The following UGT1A10 variants were observed in gnomAD, a reference collection of about 807,000 sequenced individuals.
UGT1A10 encodes UDP glucuronosyltransferase family 1 member A10.
A neutral mutation model predicts 45.8 loss-of-function variants in UGT1A10; 49 were observed. The observed-to-expected ratio is 1.07, with a 90% CI of 0.85 to 1.36. The LOEUF (loss-of-function observed/expected upper bound fraction) is 1.36, where lower values mean the gene tolerates loss of function less well. UGT1A10 is among the 40% of genes most tolerant of loss of function. The pLI, the probability that UGT1A10 is intolerant of heterozygous loss-of-function variation, is 0.00. For missense variants in UGT1A10, 745 were observed against 668.6 expected, an observed-to-expected ratio of 1.11 and a Z score of -1.26; for synonymous variants, 284 against 249.7, an observed-to-expected ratio of 1.14 and a Z score of -1.29.
intron 1 of UGT1A10, among the ~76,000 whole-genome samples, chr2:233,698,543 T>A (rs182452303): frequency 6.6e-6 from 1 of 152,142 alleles, no homozygotes; most frequent in South Asian, 2.1e-4. Context: ...AGAACACGAG[T>A]GGCCAACAAA....
At chr2:233,663,606 A>G (rs532721890) in intron 1 of UGT1A10, among the ~76,000 whole-genome samples, 53 of 152,280 alleles carry the variant, frequency 3.5e-4, no homozygotes, top group African/African-American at 1.2e-3. Flanking sequence ...CATAATTTCT[A>G]ATCTTGTGGC....
chr2:233,729,186 C>G, intron 1 of UGT1A10: 1 of 1,613,952 alleles, frequency 6.2e-7, no homozygotes, highest in Non-Finnish European at 8.5e-7. Flanking sequence ...TGCTTCTCCT[C>G]AGTGTCCAGC....
At chr2:233,713,634 C>A in intron 1 of UGT1A10, 2 of 1,613,964 alleles carry the variant, frequency 1.2e-6, no homozygotes, top group South Asian at 2.2e-5. Flanking sequence ...CAAGAACATG[C>A]TCTACCCTCT....
chr2:233,713,730 G>C, intron 1 of UGT1A10: 1 of 1,613,910 alleles, frequency 6.2e-7, no homozygotes, highest in South Asian at 1.1e-5. Flanking sequence ...GTCAGTGGTG[G>C]ATCTTGTCAG....
At chr2:233,696,620 T>C (rs1575459167) in intron 1 of UGT1A10, among the ~76,000 whole-genome samples, 1 of 146,384 alleles carries the variant, frequency 6.8e-6, no homozygotes, top group Non-Finnish European at 1.5e-5. Flanking sequence ...CTTTCTTTCT[T>C]TCTCTTGCTT....
At chr2:233,756,974 T>C (rs1036999646) in intron 1 of UGT1A10, among the ~76,000 whole-genome samples, 2 of 151,942 alleles carry the variant, frequency 1.3e-5, no homozygotes, top group South Asian at 2.1e-4. Context: ...AAGCACGCAA[T>C]GAACAGTCAT....
At chr2:233,718,488 C>G (rs1328491116) in intron 1 of UGT1A10, among the ~76,000 whole-genome samples, 1 of 152,166 alleles carries the variant, frequency 6.6e-6, no homozygotes, top group Non-Finnish European at 1.5e-5. Flanking sequence ...ATATGGTTAA[C>G]AGAGTAGAAG....
chr2:233,690,782 CA>C, intron 1 of UGT1A10: 1 of 703,324 alleles, frequency 1.4e-6, no homozygotes, highest in Non-Finnish European at 1.9e-6. Context: ...CACATACACA[CA>C]CACACACACA....
intron 1 of UGT1A10, chr2:233,671,835 C>A: frequency 6.8e-7 from 1 of 1,460,502 alleles, no homozygotes; most frequent in Non-Finnish European, 9.1e-7. Context: ...GATAAAAACA[C>A]GCCCTCTATT....
chr2:233,701,045 G>A (rs1263864656), intron 1 of UGT1A10, among the ~76,000 whole-genome samples: 1 of 152,130 alleles, frequency 6.6e-6, no homozygotes, highest in Non-Finnish European at 1.5e-5. Context: ...CAAAGGACAT[G>A]AACTCATAAT....
At chr2:233,718,794 A>T (rs2076686034) in intron 1 of UGT1A10, 2 of 1,613,190 alleles carry the variant, frequency 1.2e-6, no homozygotes, top group Non-Finnish European at 1.7e-6. Flanking sequence ...TGGGGTGGAC[A>T]GTCAGCTGTC....
intron 4 of UGT1A10, among the ~76,000 whole-genome samples, chr2:233,768,726 G>T (rs929247208): frequency 2.6e-5 from 4 of 151,498 alleles, no homozygotes; most frequent in Non-Finnish European, 5.9e-5. Flanking sequence ...GGGATTACAG[G>T]TGTCCACCAC....
intron 1 of UGT1A10, among the ~76,000 whole-genome samples, chr2:233,766,284 C>T (rs982809777): frequency 7.9e-5 from 12 of 151,766 alleles, no homozygotes; most frequent in Non-Finnish European, 1.8e-4. Context: ...GGCCCGGGCT[C>T]GGTGGCCTGG....
intron 4 of UGT1A10, 25 bp downstream of exon 4, chr2:233,768,464 A>G (rs902987402): frequency 1.9e-6 from 3 of 1,606,818 alleles, no homozygotes; most frequent in Non-Finnish European, 2.6e-6. Flanking sequence ...ACAGAAGAAT[A>G]CTTTGGTCAT....
intron 1 of UGT1A10, among the ~76,000 whole-genome samples, chr2:233,724,370 GC>G (rs1390000328): frequency 6.8e-6 from 1 of 148,040 alleles, no homozygotes; most frequent in Non-Finnish European, 1.5e-5. Flanking sequence ...GGACGGGGTG[GC>G]TGCCGGGCGG....
chr2:233,699,313 G>A (rs1398593623), intron 1 of UGT1A10, among the ~76,000 whole-genome samples: 1 of 151,996 alleles, frequency 6.6e-6, no homozygotes, highest in Non-Finnish European at 1.5e-5. Context: ...TGTCCTTTTT[G>A]CTATTTTGTT....
chr2:233,704,715 G>T (rs973511886), intron 1 of UGT1A10, among the ~76,000 whole-genome samples: 5 of 152,008 alleles, frequency 3.3e-5, no homozygotes, highest in African/African-American at 1.2e-4. Flanking sequence ...AGCCCAATTT[G>T]CCTTTGCTCC....
At chr2:233,735,337 C>CT (rs939538517) in intron 1 of UGT1A10, among the ~76,000 whole-genome samples, 10 of 150,780 alleles carry the variant, frequency 6.6e-5, no homozygotes, top group South Asian at 2.1e-4. Context: ...GCAACCCCTG[C>CT]TTTTTTTTTG....
At chr2:233,754,712 G>A (rs1446965337) in intron 1 of UGT1A10, 3 of 540,884 alleles carry the variant, frequency 5.5e-6, no homozygotes, top group East Asian at 1.4e-4. Context: ...TGGACTTGAA[G>A]CTGCCTGTCC....
Sources: allele counts gnomAD v4.1 joint callset (sites outside exome capture counted in the v4.1 genomes callset), GRCh38; gene constraint gnomAD v4.1.1; transcripts MANE v1.5; gene names NCBI Gene and HGNC (gene_info 2026-07-23, HGNC 2026-07-21).